Variants in SLC25A42 observed in about 807,000 individuals in gnomAD.
SLC25A42 encodes solute carrier family 25 member 42, also known as mitochondrial coenzyme A transporter SLC25A42.
SLC25A42 carries 19 observed loss-of-function variants against 34.7 expected under a neutral mutation model. That is an observed-to-expected ratio of 0.55 (90% CI 0.38 to 0.80). The LOEUF (loss-of-function observed/expected upper bound fraction) is 0.80, where lower values mean the gene tolerates loss of function less well. Ranked by LOEUF, SLC25A42 falls within the 30% of genes least tolerant of loss-of-function variation. SLC25A42 has a pLI of 0.00. For missense variants in SLC25A42, 364 were observed against 441.3 expected (o/e 0.82, Z 1.57); for synonymous variants, 205 against 191.2 (o/e 1.07, Z -0.59).
intron 3 of SLC25A42, among the ~76,000 whole-genome samples, chr19:19,104,446 C>T (rs1040574099): frequency 9.2e-5 from 14 of 152,182 alleles, no homozygotes; most frequent in Admixed American, 8.5e-4. Context: ...TGGCTCGGGT[C>T]CCCCATGCCC....
rs1021619555 is a variant in SLC25A42 at position 19,075,739 on chromosome 19, C to T, written c.-35+11624C>T. 2.2e-4 allele frequency among the ~76,000 whole-genome samples: 33 copies of T among 152,318 alleles called. 1 individual carries two copies. Among genetic ancestry groups the T allele is most frequent in the African/African-American group, 7.2e-4 (30 of 41,562 alleles). Reference sequence around the variant, plus strand: ...TCCTGGGCTCCATGACAGCAAAGTCCGTGTGCTTTTGGCACCACTGGCTGC... The same window carrying T: ...TCCTGGGCTCCATGACAGCAAAGTCTGTGTGCTTTTGGCACCACTGGCTGC... On this transcript the variant is annotated intron_variant, in intron 1 of 7. Coordinates refer to ENST00000318596, the MANE Select transcript of SLC25A42 (RefSeq NM_178526.5).
chr19:19,069,381 TC>T (rs1245488003), intron 1 of SLC25A42, among the ~76,000 whole-genome samples: 8 of 152,180 alleles, frequency 5.3e-5, no homozygotes, highest in African/African-American at 1.9e-4. Flanking sequence ...TGGCCTCAGA[TC>T]CCTGCATATT....
chr19:19,091,330 C>T (rs1351539459), intron 1 of SLC25A42, among the ~76,000 whole-genome samples: 6 of 151,940 alleles, frequency 3.9e-5, no homozygotes, highest in East Asian at 1.9e-4. Flanking sequence ...TGGTGGTGCG[C>T]GCCTATAATC....
chr19:19,066,841 G>A (rs2059605142), intron 1 of SLC25A42, among the ~76,000 whole-genome samples: 1 of 151,976 alleles, frequency 6.6e-6, no homozygotes, highest in Non-Finnish European at 1.5e-5. Context: ...ACGTATTTGG[G>A]CTCCAGCCGT....
chr19:19,077,481 T>C (rs1481435971), intron 1 of SLC25A42, among the ~76,000 whole-genome samples: 1 of 152,254 alleles, frequency 6.6e-6, no homozygotes, highest in African/African-American at 2.4e-5. Context: ...TGTGACTGGC[T>C]CATTTCACTC....
chr19:19,103,787 C>T (rs1221442881), intron 3 of SLC25A42, among the ~76,000 whole-genome samples: 1 of 152,208 alleles, frequency 6.6e-6, no homozygotes, highest in South Asian at 2.1e-4. Context: ...CTCTCTGTGT[C>T]CCAGTTTCCT....
intron 1 of SLC25A42, among the ~76,000 whole-genome samples, chr19:19,067,711 C>A (rs923028334): frequency 6.6e-6 from 1 of 151,456 alleles, no homozygotes; most frequent in Non-Finnish European, 1.5e-5. Context: ...AACCATTTAG[C>A]TGTTGCTGAT....
chr19:19,104,985 C>G (rs1158171625), intron 4 of SLC25A42, 47 bp downstream of exon 4: 13 of 1,611,206 alleles, frequency 8.1e-6, no homozygotes, highest in Non-Finnish European at 1.1e-5. Flanking sequence ...TCACCACTAC[C>G]CTGATGGGCT....
chr19:19,073,872 C>T (rs1255703393), intron 1 of SLC25A42, among the ~76,000 whole-genome samples: 1 of 152,192 alleles, frequency 6.6e-6, no homozygotes, highest in African/African-American at 2.4e-5. Flanking sequence ...CTGTGCCCAG[C>T]TAATTTTTGT....
rs2059853010 is a variant in SLC25A42, at chr19:19,109,818, C to A, written c.650-751C>A. ...TGACCTGTTGCTGCTCCTTCCTCCT[C>A]CACACCCACACACCCCGTTTAGACC... On this transcript the variant is annotated intron_variant, in intron 7 of 7. Transcript: ENST00000318596. The surrounding 1 kb of genome is among the most constrained non-coding windows in gnomAD (Gnocchi z 4.1). 6.6e-6 allele frequency among the ~76,000 whole-genome samples: 1 copy of A among 152,192 alleles called. No homozygotes were observed. The highest frequency in any genetic ancestry group is 2.1e-4 in the South Asian group (1 of 4,836).
At chr19:19,072,872 T>G (rs1457459658) in intron 1 of SLC25A42, among the ~76,000 whole-genome samples, 3 of 151,980 alleles carry the variant, frequency 2.0e-5, no homozygotes, top group Non-Finnish European at 2.9e-5. Flanking sequence ...AGGGCCTCAC[T>G]CTGTCACCCA....
At chr19:19,068,757 G>A (rs1479168694) in intron 1 of SLC25A42, among the ~76,000 whole-genome samples, 1 of 151,580 alleles carries the variant, frequency 6.6e-6, no homozygotes, top group Non-Finnish European at 1.5e-5. Flanking sequence ...AGAATCGTTT[G>A]AACCCTGGAG....
At chr19:19,107,109 G>A (rs1297527332) in intron 6 of SLC25A42, among the ~76,000 whole-genome samples, 1 of 152,088 alleles carries the variant, frequency 6.6e-6, no homozygotes, top group Non-Finnish European at 1.5e-5. Context: ...CTTGAGCCCA[G>A]GAGTTTGAGA....
chr19:19,099,727 CATTTTT>C (rs2059784565), intron 2 of SLC25A42, among the ~76,000 whole-genome samples: 1 of 151,990 alleles, frequency 6.6e-6, no homozygotes, highest in Non-Finnish European at 1.5e-5. Context: ...ACCCTGGTCA[CATTTTT>C]ATTTTTATTT....
intron 1 of SLC25A42, among the ~76,000 whole-genome samples, chr19:19,066,672 C>T (rs11670239): frequency 0.71 from 107,205 of 151,794 alleles, 38,283 homozygotes; most frequent in East Asian, 0.89. Context: ...AGGATGGTCT[C>T]GATCTCCTGA....
intron 1 of SLC25A42, among the ~76,000 whole-genome samples, chr19:19,075,901 G>T (rs2059653557): frequency 6.6e-6 from 1 of 152,138 alleles, no homozygotes. Flanking sequence ...TCTCCGGCCC[G>T]ATGGTTCCCT....
At chr19:19,093,991 G>A (rs933821844) in intron 1 of SLC25A42, among the ~76,000 whole-genome samples, 2 of 152,156 alleles carry the variant, frequency 1.3e-5, no homozygotes, top group African/African-American at 2.4e-5. Flanking sequence ...TTTTTCTCAC[G>A]GTCAGATGGG....
intron 1 of SLC25A42, among the ~76,000 whole-genome samples, chr19:19,072,949 C>T (rs2059638380): frequency 6.6e-6 from 1 of 152,184 alleles, no homozygotes; most frequent in Non-Finnish European, 1.5e-5. Flanking sequence ...AGTGATCCTC[C>T]TGCCTCGGCC....
chr19:19,087,625 C>T (rs2059714793), intron 1 of SLC25A42, among the ~76,000 whole-genome samples: 1 of 152,334 alleles, frequency 6.6e-6, no homozygotes, highest in South Asian at 2.1e-4. Flanking sequence ...TAATACTAGC[C>T]TTTGCCTAAT....
Sources: gnomAD v4.1 joint callset for allele counts (sites outside exome capture counted in the v4.1 genomes callset) on GRCh38, gnomAD v4.1.1 for gene constraint, Gnocchi (gnomAD v3.1) non-coding constraint, MANE v1.5 for transcripts, NCBI Gene and HGNC (gene_info 2026-07-23, HGNC 2026-07-21) for gene names.